Variants in MAP2K1 observed in about 807,000 individuals in gnomAD.
MAP2K1 encodes the protein mitogen-activated protein kinase kinase 1, also known as dual specificity mitogen-activated protein kinase kinase 1.
In MAP2K1, 16 loss-of-function variants were observed where a neutral mutation model predicts 46.3. That is an observed-to-expected ratio of 0.35 (90% confidence interval 0.23 to 0.52). MAP2K1 has a LOEUF of 0.52. MAP2K1 is among the 20% of genes least tolerant of loss of function. The pLI is 0.94. For synonymous variants in MAP2K1, 183 were observed against 185.6 expected, an observed-to-expected ratio of 0.99 and a Z score of 0.11; for missense variants, 263 against 497.1, an observed-to-expected ratio of 0.53 and a Z score of 4.48.
chr15:66,490,183 G>A (rs183612508), intron 10 of MAP2K1: 234 of 526,376 alleles, frequency 4.4e-4, no homozygotes, highest in African/African-American at 3.2e-3. Context: ...GGTGTATATA[G>A]TATATAATAT....
chr15:66,391,330 C>T (rs1877400989), intron 1 of MAP2K1, among the ~76,000 whole-genome samples: 1 of 152,222 alleles, frequency 6.6e-6, no homozygotes, highest in African/African-American at 2.4e-5. Flanking sequence ...GCTCTATCGC[C>T]CAGGCTGGAA....
At chr15:66,416,951 A>G (rs1201809878) in intron 1 of MAP2K1, among the ~76,000 whole-genome samples, 1 of 152,062 alleles carries the variant, frequency 6.6e-6, no homozygotes, top group Non-Finnish European at 1.5e-5. Flanking sequence ...TTGCAACGTA[A>G]TTCAGCTCTC....
chr15:66,428,552 G>T (rs554536663), intron 1 of MAP2K1, among the ~76,000 whole-genome samples: 1 of 151,976 alleles, frequency 6.6e-6, no homozygotes, highest in South Asian at 2.1e-4. Flanking sequence ...TCACATTATG[G>T]AGAGTAATTC....
In MAP2K1 at chr15:66,485,030, A is replaced by G. The variant is rs2140674070; in HGVS notation, c.734A>G (p.Asp245Gly). 6.2e-7 allele frequency: 1 copy of G among 1,613,786 alleles called. No individual in the cohort carries two copies. The highest frequency in any genetic ancestry group is 8.5e-7 in the Non-Finnish European group (1 of 1,180,042). The change falls in exon 7 of 11, where the codon GAC becomes GGC. Residue 245 changes from aspartate (D) to glycine (G), a missense_variant. Physicochemically the swap from Asp to Gly is moderately conservative, Grantham distance 94. This residue lies in a region of MAP2K1 where 118 missense variants were observed against 193.0 expected (regional missense o/e 0.61). Transcript: ENST00000307102. ...GGGACTCATTACTCTGTGCAGTCAG[A>G]CATCTGGAGCATGGGACTGTCTCTG... ...LQGTHYSVQSDIWSMGLSLVE... is the reference protein window; with the variant it reads ...LQGTHYSVQSGIWSMGLSLVE...
chr15:66,464,212 AG>A (rs1263464866), intron 5 of MAP2K1, among the ~76,000 whole-genome samples: 1 of 152,178 alleles, frequency 6.6e-6, no homozygotes, highest in Non-Finnish European at 1.5e-5. Context: ...CTAGACAGGT[AG>A]GTAGGTCCCA....
chr15:66,423,565 G>GCAAGCCTTCTGCCT (rs1349992651), intron 1 of MAP2K1, among the ~76,000 whole-genome samples: 1 of 148,190 alleles, frequency 6.7e-6, no homozygotes, highest in Non-Finnish European at 1.5e-5. Context: ...AGCCTCCTGA[G>GCAAGCCTTCTGCCT]TAGCTGGGAT....
chr15:66,401,522 C>A (rs2093381584), intron 1 of MAP2K1, among the ~76,000 whole-genome samples: 1 of 152,092 alleles, frequency 6.6e-6, no homozygotes, highest in Non-Finnish European at 1.5e-5. Flanking sequence ...ATGTAAATCA[C>A]TATTCTGGGA....
chr15:66,436,044 A>G (rs1260691520), intron 2 of MAP2K1, among the ~76,000 whole-genome samples: 1 of 152,110 alleles, frequency 6.6e-6, no homozygotes, highest in Non-Finnish European at 1.5e-5. Context: ...GTTTTTTTGC[A>G]CATGGTGTTC....
intron 5 of MAP2K1, among the ~76,000 whole-genome samples, chr15:66,463,346 G>C (rs921905318): frequency 2.0e-5 from 3 of 152,214 alleles, no homozygotes; most frequent in Non-Finnish European, 2.9e-5. Flanking sequence ...TGGCACTGAG[G>C]GGGTGTGAAC....
chr15:66,439,235 C>G (rs551688251), intron 3 of MAP2K1, among the ~76,000 whole-genome samples: 1 of 152,198 alleles, frequency 6.6e-6, no homozygotes, highest in Non-Finnish European at 1.5e-5. Context: ...GACCTCTGTT[C>G]GATAGCCACA....
intron 2 of MAP2K1, among the ~76,000 whole-genome samples, chr15:66,436,519 G>T (rs1442907560): frequency 6.6e-6 from 1 of 152,176 alleles, no homozygotes; most frequent in African/African-American, 2.4e-5. Flanking sequence ...CTTTGTTCCT[G>T]TCTAGGCTCC....
intron 1 of MAP2K1, among the ~76,000 whole-genome samples, chr15:66,392,306 A>G (rs569345514): frequency 2.0e-4 from 23 of 116,026 alleles, no homozygotes; most frequent in Admixed American, 5.0e-4. Context: ...CCCACTGCCC[A>G]GGCTGGAGTA....
chr15:66,476,885 C>G (rs1411099948), intron 5 of MAP2K1, among the ~76,000 whole-genome samples: 2 of 152,206 alleles, frequency 1.3e-5, no homozygotes, highest in Non-Finnish European at 2.9e-5. Context: ...TGTCTGCCAT[C>G]ATGTACCTCT....
intron 5 of MAP2K1, among the ~76,000 whole-genome samples, chr15:66,459,658 A>G (rs1892267291): frequency 6.6e-6 from 1 of 151,658 alleles, no homozygotes; most frequent in South Asian, 2.1e-4. Context: ...TTTCCTGGGG[A>G]GAGCTGGGAG....
rs2093343569 is a variant in MAP2K1, at chr15:66,387,275, G to T, written c.-73G>T. On this transcript the variant is annotated 5_prime_UTR_variant, in exon 1 of 11. Transcript: ENST00000307102. ...GACTTGGTCCTGCGCAGCGGGCGCG[G>T]GGCAGCGCAGCGGGAGGAAGCGAGA... 1 of 1,331,798 alleles carries T rather than the reference G, an allele frequency of 7.5e-7. No individual in the cohort carries two copies. Among genetic ancestry groups the T allele is most frequent in the Admixed American group, 2.0e-5 (1 of 50,376 alleles). The allele number at this position is 1,331,798 out of a possible 1,614,324, so 82.5% of individuals were successfully genotyped here.
At chr15:66,421,119 CACACACAT>C (rs199700006) in intron 1 of MAP2K1, among the ~76,000 whole-genome samples, 1,246 of 82,618 alleles carry the variant, frequency 0.015, 10 homozygotes, top group East Asian at 0.086. Flanking sequence ...CACACACACA[CACACACAT>C]ATATATATAT....
At position 66,489,290 on chromosome 15, in the gene MAP2K1, T is replaced by A; in HGVS notation, c.1022+14T>A. On this transcript the variant is annotated intron_variant, in intron 9 of 10. Coordinates refer to ENST00000307102, the MANE Select transcript of MAP2K1 (RefSeq NM_002755.4). ...TGTGAATAAATGGTAAGTTGGCTCC[T>A]TGTTCTCTGGAAGCGTATACTCTGG... The A allele has an allele frequency of 6.2e-7, 1 of 1,611,144 alleles. No individual in the cohort carries two copies. The highest frequency in any genetic ancestry group is 1.3e-5 in the African/African-American group (1 of 74,986).
At chr15:66,481,471 G>C (rs1185453656) in intron 5 of MAP2K1, among the ~76,000 whole-genome samples, 1 of 152,196 alleles carries the variant, frequency 6.6e-6, no homozygotes, top group Non-Finnish European at 1.5e-5. Flanking sequence ...ACTCCTTCCT[G>C]TGGATCATCT....
At chr15:66,434,845 G>A (rs1172122293) in intron 1 of MAP2K1, among the ~76,000 whole-genome samples, 182 bp from the exon 2 acceptor site, 2 of 152,188 alleles carry the variant, frequency 1.3e-5, no homozygotes, top group African/African-American at 4.8e-5. Context: ...GTTGGTGATA[G>A]TCATCCCGGG....
Sources: allele counts gnomAD v4.1 joint callset (sites outside exome capture counted in the v4.1 genomes callset), GRCh38; gene constraint gnomAD v4.1.1; regional missense constraint gnomAD v4.1.1; transcripts MANE v1.5; gene names NCBI Gene and HGNC (gene_info 2026-07-23, HGNC 2026-07-21).